The following ITCH variants were observed in gnomAD, a reference collection of about 807,000 sequenced individuals.
ITCH encodes the protein E3 ubiquitin-protein ligase Itchy homolog.
In ITCH, 28 loss-of-function variants were observed where a neutral mutation model predicts 126.8. The ratio of observed to expected loss-of-function variants is 0.22; its 90% CI spans 0.16 to 0.30. The LOEUF is 0.30. Ranked by LOEUF, ITCH falls within the 10% of genes least tolerant of loss-of-function variation. The probability of loss-of-function intolerance (pLI) is 1.00; values close to 1 mark genes in which losing one functional copy is unlikely to be tolerated. For missense variants in ITCH, 631 were observed against 1,032.4 expected, an observed-to-expected ratio of 0.61 and a Z score of 5.33; for synonymous variants, 342 against 340.0, an observed-to-expected ratio of 1.01 and a Z score of -0.06.
At chr20:34,424,072 G>A (rs1037192138) in intron 6 of ITCH, among the ~76,000 whole-genome samples, 1 of 152,178 alleles carries the variant, frequency 6.6e-6, no homozygotes, top group Non-Finnish European at 1.5e-5. Flanking sequence ...CAATAAGAGA[G>A]ACGTTATGGG....
intron 12 of ITCH, 41 bp from the exon 13 acceptor site, chr20:34,457,349 T>C (rs1266886676): frequency 7.7e-7 from 1 of 1,296,948 alleles, no homozygotes; most frequent in Non-Finnish European, 1.1e-6. Context: ...ACTATGCCAA[T>C]GCTAATGCTT....
At chr20:34,487,641 A>G (rs1433656542) in intron 20 of ITCH, among the ~76,000 whole-genome samples, 2 of 152,146 alleles carry the variant, frequency 1.3e-5, no homozygotes, top group African/African-American at 2.4e-5. Flanking sequence ...TTCTTGTACA[A>G]TATAAGAAGC....
chr20:34,414,300 C>A (rs867304501), intron 6 of ITCH, among the ~76,000 whole-genome samples: 7 of 151,914 alleles, frequency 4.6e-5, no homozygotes, highest in African/African-American at 1.7e-4. Context: ...ATCACATTTG[C>A]CTCCATGAGT....
chr20:34,476,217 AC>A, intron 16 of ITCH: 1 of 804,390 alleles, frequency 1.2e-6, no homozygotes, highest in Non-Finnish European at 2.3e-6. Context: ...GCAGAGAATC[AC>A]CAACTTTTCC....
intron 2 of ITCH, among the ~76,000 whole-genome samples, chr20:34,379,586 T>C (rs1386371373): frequency 6.6e-6 from 1 of 151,252 alleles, no homozygotes. Flanking sequence ...AGTCATACAA[T>C]ATTTGTCCTT....
At position 34,506,865 on chromosome 20, in the gene ITCH, T is replaced by G. The variant is rs138278941; in HGVS notation, c.2490-830T>G. ...GGCTTATTTCACTTAGAATAATATC[T>G]TTAATTTTCATCCATGTTGTAGCAT... On this transcript the variant is annotated intron_variant, in intron 24 of 24. Transcript: ENST00000374864. 2.2e-4 allele frequency among the ~76,000 whole-genome samples: 34 copies of G among 152,344 alleles called. No homozygotes were observed. In the East Asian group the frequency reaches 4.6e-3, roughly 21 times the overall value.
At chr20:34,386,968 T>G (rs2038305675) in intron 2 of ITCH, among the ~76,000 whole-genome samples, 1 of 152,174 alleles carries the variant, frequency 6.6e-6, no homozygotes, top group Non-Finnish European at 1.5e-5. Context: ...GCATTCTATC[T>G]GTCACATTTT....
chr20:34,426,503 T>C (rs907516799), intron 7 of ITCH, among the ~76,000 whole-genome samples: 3 of 152,066 alleles, frequency 2.0e-5, no homozygotes, highest in Non-Finnish European at 4.4e-5. Context: ...TGAAGTGCAG[T>C]GGCGCGATCT....
At chr20:34,492,423 A>G in intron 22 of ITCH, 78 bp from the exon 23 acceptor site, 2 of 974,856 alleles carry the variant, frequency 2.1e-6, no homozygotes, top group Non-Finnish European at 3.2e-6. Flanking sequence ...AAGATTTGAA[A>G]TCATTATTTT....
At chr20:34,504,251 T>G (rs1412054193) in intron 23 of ITCH, 80 bp from the exon 24 acceptor site, 14 of 1,031,390 alleles carry the variant, frequency 1.4e-5, no homozygotes, top group South Asian at 5.1e-5. Flanking sequence ...TCCCTCATGA[T>G]GCTGATGCTT....
chr20:34,421,593 T>TG (rs1980773938), intron 6 of ITCH, among the ~76,000 whole-genome samples: 2 of 137,298 alleles, frequency 1.5e-5, no homozygotes, highest in African/African-American at 2.4e-5. Flanking sequence ...AGTGTTAGAT[T>TG]TTTGTTGTTG....
At chr20:34,437,499 G>A (rs908437190) in intron 7 of ITCH, among the ~76,000 whole-genome samples, 1 of 152,142 alleles carries the variant, frequency 6.6e-6, no homozygotes, top group Non-Finnish European at 1.5e-5. Flanking sequence ...TACAGACAGG[G>A]CCTTGTCATG....
At chr20:34,372,430 G>C (rs1405234828) in intron 2 of ITCH, among the ~76,000 whole-genome samples, 5 of 119,886 alleles carry the variant, frequency 4.2e-5, no homozygotes, top group Admixed American at 2.2e-4. Context: ...ACCCAGGCTG[G>C]AGTGCAGTGG....
intron 2 of ITCH, among the ~76,000 whole-genome samples, chr20:34,387,742 T>C (rs1260092594): frequency 6.6e-6 from 1 of 151,954 alleles, no homozygotes; most frequent in African/African-American, 2.4e-5. Context: ...TCTCGCTCTG[T>C]CACCCAGACT....
chr20:34,492,273 A>T (rs960617804), intron 22 of ITCH, among the ~76,000 whole-genome samples: 1 of 152,156 alleles, frequency 6.6e-6, no homozygotes, highest in African/African-American at 2.4e-5. Context: ...GCTTGCTCCT[A>T]TAGTCCCAGC....
chr20:34,381,668 C>T (rs2038069515), intron 2 of ITCH, among the ~76,000 whole-genome samples: 1 of 151,904 alleles, frequency 6.6e-6, no homozygotes. Flanking sequence ...CCTCGTGATC[C>T]GCCCTCCTTG....
At chr20:34,394,373 A>G (rs2038599283) in intron 3 of ITCH, among the ~76,000 whole-genome samples, 1 of 152,116 alleles carries the variant, frequency 6.6e-6, no homozygotes, top group South Asian at 2.1e-4. Context: ...TTTTCCTTCA[A>G]CATGGGTACC....
chr20:34,475,800 G>T lies in ITCH; in HGVS notation c.1570-1972G>T, dbSNP rs998594801. On this transcript the variant is annotated intron_variant, in intron 16 of 24. Transcript: ENST00000374864. ...TGACAAAATTTAGTAGTTATACAAGGTGAATTAAAATAGTAAAGCTAGTCA... is the reference window on the plus strand; with the variant it reads ...TGACAAAATTTAGTAGTTATACAAGTTGAATTAAAATAGTAAAGCTAGTCA... The T allele has an allele frequency of 1.2e-4, 75 of 651,228 alleles. No homozygotes were observed. The East Asian group carries it at 2.0e-3, about 18-fold the overall frequency. 40.3% of individuals were successfully genotyped at this position (651,228 alleles called of 1,614,324 possible).
chr20:34,429,062 C>A (rs913481654), intron 7 of ITCH, among the ~76,000 whole-genome samples: 3 of 152,140 alleles, frequency 2.0e-5, no homozygotes, highest in Admixed American at 6.6e-5. Flanking sequence ...TTCAGCCTTT[C>A]AAGTAGCTGG....
Sources: allele counts gnomAD v4.1 joint callset (sites outside exome capture counted in the v4.1 genomes callset), GRCh38; gene constraint gnomAD v4.1.1; transcripts MANE v1.5; gene names NCBI Gene and HGNC (gene_info 2026-07-23, HGNC 2026-07-21).